RNF146: variants seen among roughly 807,000 people sequenced by gnomAD.
RNF146 encodes E3 ubiquitin-protein ligase RNF146.
Under a neutral mutation model 29.7 loss-of-function variants are expected in RNF146, and 11 were observed. The observed-to-expected ratio is 0.37, with a 90% confidence interval of 0.23 to 0.61. The LOEUF is 0.61. RNF146 is among the 20% of genes least tolerant of loss of function. The pLI is 0.66. For missense variants in RNF146, 342 were observed against 438.9 expected, an observed-to-expected ratio of 0.78 and a Z score of 1.97; for synonymous variants, 150 against 159.7, an observed-to-expected ratio of 0.94 and a Z score of 0.46.
intron 2 of RNF146, chr6:127,285,497 T>A (rs556780222): frequency 3.8e-6 from 1 of 263,664 alleles, no homozygotes; most frequent in African/African-American, 2.3e-5. Flanking sequence ...TATCAGTGGT[T>A]TACTCCATTA....
intron 1 of RNF146, among the ~76,000 whole-genome samples, chr6:127,276,506 G>C (rs1346133268): frequency 6.6e-6 from 1 of 151,972 alleles, no homozygotes; most frequent in Non-Finnish European, 1.5e-5. Flanking sequence ...TGTAAAATGT[G>C]TGTATATGAG....
intron 2 of RNF146, chr6:127,282,167 G>C (rs937310813): frequency 6.6e-5 from 10 of 151,672 alleles, no homozygotes; most frequent in African/African-American, 2.4e-4. Context: ...AGAGTAACTT[G>C]CTTGATTATT....
intron 2 of RNF146, among the ~76,000 whole-genome samples, chr6:127,282,609 T>C (rs1188608892): frequency 6.6e-6 from 1 of 151,776 alleles, no homozygotes; most frequent in Non-Finnish European, 1.5e-5. Flanking sequence ...TTCTATTCTA[T>C]TGTTGGAAAC....
At chr6:127,275,906 C>A (rs1402191423) in intron 1 of RNF146, among the ~76,000 whole-genome samples, 2 of 151,998 alleles carry the variant, frequency 1.3e-5, no homozygotes, top group African/African-American at 4.8e-5. Flanking sequence ...TAATTATTTA[C>A]AGTTTAGATC....
intron 1 of RNF146, among the ~76,000 whole-genome samples, chr6:127,268,861 T>C (rs1302196568): frequency 6.6e-6 from 1 of 152,178 alleles, no homozygotes; most frequent in Non-Finnish European, 1.5e-5. Flanking sequence ...ACTTTTTTTT[T>C]TAAAGGATCC....
chr6:127,267,414 A>G (rs1409280094), intron 1 of RNF146, among the ~76,000 whole-genome samples: 2 of 151,692 alleles, frequency 1.3e-5, no homozygotes, highest in Non-Finnish European at 2.9e-5. Context: ...TTACCCGGGG[A>G]CCTTCTGGCC....
At chr6:127,283,075 C>A (rs761866691) in intron 2 of RNF146, among the ~76,000 whole-genome samples, 1 of 151,666 alleles carries the variant, frequency 6.6e-6, no homozygotes, top group Non-Finnish European at 1.5e-5. Context: ...TTGGAGATTT[C>A]CACTAACTCT....
chr6:127,272,027 G>A (rs962375465), intron 1 of RNF146, among the ~76,000 whole-genome samples: 3 of 152,096 alleles, frequency 2.0e-5, no homozygotes, highest in African/African-American at 7.2e-5. Flanking sequence ...TAGATAATAC[G>A]TGACCTTTTC....
intron 1 of RNF146, among the ~76,000 whole-genome samples, chr6:127,269,589 C>T (rs1268858970): frequency 1.3e-5 from 2 of 152,142 alleles, no homozygotes; most frequent in Non-Finnish European, 1.5e-5. Context: ...AAGTATCAGA[C>T]CCCATTTAGT....
intron 1 of RNF146, among the ~76,000 whole-genome samples, chr6:127,275,534 G>A (rs576370520): frequency 1.2e-3 from 184 of 151,992 alleles, no homozygotes; most frequent in Non-Finnish European, 2.3e-3. Context: ...CAATTTACTA[G>A]CTATTTAAAG....
intron 1 of RNF146, 147 bp from the exon 2 acceptor site, chr6:127,280,084 G>C (rs1185840184): frequency 8.7e-6 from 4 of 459,468 alleles, no homozygotes; most frequent in Non-Finnish European, 1.6e-5. Context: ...AGAACTTACA[G>C]TCATGTTGAA....
Position 127,286,914 on chromosome 6 carries a change from A to T in RNF146, c.301A>T (p.Asn101Tyr). ...AGAACTCAAGGCAGCAAGTAGAGGA[A>T]ATGGTGAATATGCATGGTATTATGA... is the stretch of plus-strand genomic sequence containing the variant. The part of the protein sequence containing the change: ...PEELKAASRG[N>Y]GEYAWYYEGR... The change falls in exon 3 of 3, where the codon AAT (asparagine) becomes TAT (tyrosine). Residue 101 changes from asparagine (N) to tyrosine (Y), a missense_variant. Transcript: ENST00000368314. This position sits in a 1 kb window ranked among gnomAD's most constrained non-coding sequence, Gnocchi z 4.6. 1.2e-6 allele frequency: 2 copies of T among 1,613,376 alleles called. No individual in the cohort carries two copies. Among genetic ancestry groups the T allele is most frequent in the Non-Finnish European group, 1.7e-6 (2 of 1,179,592 alleles).
At chr6:127,278,442 G>A (rs556202458) in intron 1 of RNF146, among the ~76,000 whole-genome samples, 2 of 152,034 alleles carry the variant, frequency 1.3e-5, no homozygotes, top group African/African-American at 4.8e-5. Flanking sequence ...GATATTTCAT[G>A]TAAGTGGAAT....
intron 1 of RNF146, among the ~76,000 whole-genome samples, chr6:127,267,340 C>G (rs771554791): frequency 1.3e-5 from 2 of 152,170 alleles, no homozygotes; most frequent in South Asian, 2.1e-4. Context: ...CGCCTGAGCC[C>G]GCTTCGCTGC....
intron 1 of RNF146, among the ~76,000 whole-genome samples, chr6:127,268,902 G>C (rs2114399204): frequency 6.6e-6 from 1 of 152,092 alleles, no homozygotes; most frequent in African/African-American, 2.4e-5. Context: ...AAGAAGAAAA[G>C]GATATTAAAT....
intron 1 of RNF146, among the ~76,000 whole-genome samples, chr6:127,279,918 T>G (rs1334195823): frequency 1.3e-5 from 2 of 151,858 alleles, no homozygotes; most frequent in Non-Finnish European, 1.5e-5. Flanking sequence ...ACTGATTTTT[T>G]TGTGTGTCAA....
intron 1 of RNF146, among the ~76,000 whole-genome samples, chr6:127,274,078 A>G (rs575744438): frequency 2.6e-5 from 4 of 152,066 alleles, no homozygotes; most frequent in African/African-American, 7.2e-5. Context: ...GGCTTTTTCA[A>G]ATAATTTTGC....
intron 1 of RNF146, among the ~76,000 whole-genome samples, chr6:127,272,180 G>A (rs1291741488): frequency 6.6e-6 from 1 of 152,128 alleles, no homozygotes; most frequent in African/African-American, 2.4e-5. Flanking sequence ...AATAGGTATA[G>A]TCATATTTCA....
At chr6:127,284,763 C>T (rs771423509) in intron 2 of RNF146, among the ~76,000 whole-genome samples, 97 of 152,014 alleles carry the variant, frequency 6.4e-4, no homozygotes, top group Non-Finnish European at 1.2e-3. Flanking sequence ...CTAAGACGTC[C>T]TATTAGGGTT....
Sources: gnomAD v4.1 joint callset for allele counts (sites outside exome capture counted in the v4.1 genomes callset) on GRCh38, gnomAD v4.1.1 for gene constraint, Gnocchi (gnomAD v3.1) non-coding constraint, MANE v1.5 for transcripts, NCBI Gene and HGNC (gene_info 2026-07-23, HGNC 2026-07-21) for gene names.